Variants in CELF4 observed in about 807,000 individuals in gnomAD.
CELF4 encodes CUGBP Elav-like family member 4.
Under a neutral mutation model 59.9 loss-of-function variants are expected in CELF4, and 18 were observed. The ratio of observed to expected loss-of-function variants is 0.30; its 90% CI spans 0.21 to 0.45. The LOEUF (loss-of-function observed/expected upper bound fraction) is 0.45. CELF4 is among the 20% of genes least tolerant of loss of function. CELF4 has a pLI of 1.00. For missense variants in CELF4, 456 were observed against 689.0 expected (o/e 0.66, Z 3.79); for synonymous variants, 261 against 267.1 (o/e 0.98, Z 0.22).
chr18:37,264,634 A>G (rs1393592021), intron 10 of CELF4, 40 bp downstream of exon 10: 1 of 1,516,152 alleles, frequency 6.6e-7, no homozygotes. Flanking sequence ...TGGGGACAAC[A>G]GGGGGAGGGA....
intron 2 of CELF4, among the ~76,000 whole-genome samples, chr18:37,381,110 T>C (rs1433377340): frequency 2.2e-5 from 3 of 134,534 alleles, no homozygotes; most frequent in African/African-American, 8.3e-5. Flanking sequence ...CCATCCACCA[T>C]CATCCATCCA....
At chr18:37,532,135 C>T (rs527317635) in intron 1 of CELF4, among the ~76,000 whole-genome samples, 1 of 152,346 alleles carries the variant, frequency 6.6e-6, no homozygotes, top group South Asian at 2.1e-4. Context: ...TCTGCTGTTA[C>T]TCAAATTGCT....
chr18:37,563,699 C>T (rs775651778), intron 1 of CELF4, among the ~76,000 whole-genome samples: 8 of 152,120 alleles, frequency 5.3e-5, no homozygotes, highest in Non-Finnish European at 1.0e-4. Flanking sequence ...TAAAGGTTGC[C>T]TTCTCTCTCC....
chr18:37,463,807 G>A (rs1294350937), intron 2 of CELF4, among the ~76,000 whole-genome samples: 1 of 152,008 alleles, frequency 6.6e-6, no homozygotes, highest in Non-Finnish European at 1.5e-5. Flanking sequence ...CAACCTGGAG[G>A]TTTTTTTTCT....
chr18:37,265,661 T>G (rs2077181857), intron 9 of CELF4, among the ~76,000 whole-genome samples: 1 of 152,156 alleles, frequency 6.6e-6, no homozygotes. Flanking sequence ...CTCCCTCCTC[T>G]GCCTGGCCTG....
intron 2 of CELF4, among the ~76,000 whole-genome samples, chr18:37,451,228 A>T (rs778354907): frequency 3.9e-5 from 6 of 152,138 alleles, no homozygotes; most frequent in Non-Finnish European, 8.8e-5. Flanking sequence ...CCCAATGGGG[A>T]CAGGCCCATT....
At chr18:37,517,525 G>A (rs1430983777) in intron 1 of CELF4, among the ~76,000 whole-genome samples, 1 of 152,104 alleles carries the variant, frequency 6.6e-6, no homozygotes, top group Non-Finnish European at 1.5e-5. Flanking sequence ...CACTGTCCAG[G>A]TTTTAGCACT....
chr18:37,280,622 T>C (rs1181902267), intron 3 of CELF4, among the ~76,000 whole-genome samples: 1 of 152,272 alleles, frequency 6.6e-6, no homozygotes, highest in Non-Finnish European at 1.5e-5. Flanking sequence ...GCTGGAGTTA[T>C]GAAGTGCATG....
chr18:37,491,376 C>T (rs1176601088), intron 1 of CELF4, among the ~76,000 whole-genome samples: 1 of 152,222 alleles, frequency 6.6e-6, no homozygotes, highest in African/African-American at 2.4e-5. Flanking sequence ...CACATGTTTC[C>T]TTATTCAGCC....
intron 2 of CELF4, among the ~76,000 whole-genome samples, chr18:37,458,354 AGGAT>A (rs1374778694): frequency 1.3e-5 from 2 of 152,196 alleles, no homozygotes; most frequent in Non-Finnish European, 2.9e-5. Flanking sequence ...TGCCCTAGTA[AGGAT>A]GTACCACTAG....
chr18:37,485,222 C>T (rs1382729979), intron 2 of CELF4, among the ~76,000 whole-genome samples: 1 of 151,926 alleles, frequency 6.6e-6, no homozygotes, highest in East Asian at 1.9e-4. Context: ...CGATCGCGCA[C>T]GCGGCCCGCG....
Position 37,287,867 on chromosome 18 carries a change from C to T in CELF4, c.449-12624G>A, listed in dbSNP as rs2154404302. On this transcript the variant is annotated intron_variant, in intron 3 of 12. Transcript: ENST00000420428. Reference sequence around the variant, plus strand: ...TACACAGATGAAAGAAAAATGATTGCAGAAAGCAGATAGATTTATGATGGA... The same window carrying T: ...TACACAGATGAAAGAAAAATGATTGTAGAAAGCAGATAGATTTATGATGGA... Among the ~76,000 whole-genome samples, 2 of 152,248 alleles carry T rather than the reference C, an allele frequency of 1.3e-5. 1 individual carries two copies. Among genetic ancestry groups the T allele is most frequent in the South Asian group, 4.1e-4 (2 of 4,826 alleles).
chr18:37,314,420 G>A (rs571584680), intron 3 of CELF4, among the ~76,000 whole-genome samples: 40 of 152,014 alleles, frequency 2.6e-4, no homozygotes, highest in Admixed American at 8.5e-4. Flanking sequence ...GCACCACTGC[G>A]CTCCAGCCTG....
intron 3 of CELF4, among the ~76,000 whole-genome samples, chr18:37,308,585 A>T (rs2096533097): frequency 6.6e-6 from 1 of 152,196 alleles, no homozygotes; most frequent in South Asian, 2.1e-4. Flanking sequence ...AGGCTTGAAG[A>T]CATCTCCTCC....
In CELF4 at chr18:37,244,573, T is replaced by A. The variant is rs527388295; in HGVS notation, c.*669A>T. The A allele has an allele frequency of 6.6e-6, 1 of 152,574 alleles. No homozygotes were observed. Among genetic ancestry groups the A allele is most frequent in the Admixed American group, 6.5e-5 (1 of 15,294 alleles). 9.5% of individuals were successfully genotyped at this position (152,574 alleles called of 1,614,324 possible). A position where few individuals can be genotyped will look rare whatever the true frequency, so the allele number is the denominator to read the frequency against. The stretch of plus-strand genomic sequence containing the variant: ...TATTTTTCCTTTTTTTGTTGTTTTT[T>A]TTGTTTTTTGTTTTTTTTTTAATTT... On this transcript the variant is annotated 3_prime_UTR_variant, in exon 13 of 13. Transcript: ENST00000420428.
At chr18:37,541,263 AT>A (rs1221969608) in intron 1 of CELF4, among the ~76,000 whole-genome samples, 4 of 151,966 alleles carry the variant, frequency 2.6e-5, no homozygotes, top group African/African-American at 7.2e-5. Flanking sequence ...CCAAATCAGA[AT>A]TTTGATCATC....
intron 3 of CELF4, among the ~76,000 whole-genome samples, chr18:37,318,993 C>A (rs557960088): frequency 1.3e-5 from 2 of 152,188 alleles, no homozygotes; most frequent in Non-Finnish European, 2.9e-5. Flanking sequence ...CCTTCAAGAC[C>A]AGAAGGGCCA....
At chr18:37,276,991 C>T (rs574210894) in intron 3 of CELF4, among the ~76,000 whole-genome samples, 11 of 152,196 alleles carry the variant, frequency 7.2e-5, no homozygotes, top group Non-Finnish European at 1.2e-4. Context: ...CCTTCTTTCC[C>T]AGAGAACCCC....
Position 37,364,714 on chromosome 18 carries a change from CT to C in CELF4, c.370-42834del, listed in dbSNP as rs533415244. On this transcript the variant is annotated intron_variant, in intron 2 of 12. Transcript: ENST00000420428. Reference sequence around the variant, plus strand: ...ACTGAGAATTAGGAAGAGAAACAGACTGCTTATAAGTAGAACCATACTCAAA... The same window carrying C: ...ACTGAGAATTAGGAAGAGAAACAGACGCTTATAAGTAGAACCATACTCAAA... Among the ~76,000 whole-genome samples the C allele has an allele frequency of 2.8e-4, 43 of 152,352 alleles. 1 individual carries two copies. In the South Asian group the frequency reaches 8.9e-3, roughly 32 times the overall value.
Sources: allele counts gnomAD v4.1 joint callset (sites outside exome capture counted in the v4.1 genomes callset), GRCh38; gene constraint gnomAD v4.1.1; transcripts MANE v1.5; gene names NCBI Gene and HGNC (gene_info 2026-07-23, HGNC 2026-07-21).